PTPRD: variants seen among roughly 807,000 people sequenced by gnomAD.
The protein encoded by PTPRD is receptor-type tyrosine-protein phosphatase delta.
PTPRD carries 34 observed loss-of-function variants against 214.5 expected under a neutral mutation model. The ratio of observed to expected loss-of-function variants is 0.16; its 90% CI spans 0.12 to 0.21. The LOEUF (loss-of-function observed/expected upper bound fraction) is 0.21. Among genes scored for constraint, PTPRD ranks in the 10% least tolerant of loss-of-function variants. PTPRD has a pLI of 1.00. For synonymous variants in PTPRD, 1,128 were observed against 845.7 expected (o/e 1.33, Z -5.79); for missense variants, 2,545 against 2,398.7 (o/e 1.06, Z -1.27).
chr9:10,393,794 G>A (rs1049806289), intron 2 of PTPRD, among the ~76,000 whole-genome samples: 1 of 148,108 alleles, frequency 6.8e-6, no homozygotes, highest in Non-Finnish European at 1.5e-5. Context: ...TGACTAATAT[G>A]TAACCTTCTT....
chr9:9,652,092 T>A (rs1243077285), intron 7 of PTPRD, among the ~76,000 whole-genome samples: 4 of 152,038 alleles, frequency 2.6e-5, no homozygotes, highest in Non-Finnish European at 4.4e-5. Flanking sequence ...CCGCCTGCCT[T>A]GGCCTCCCAA....
At chr9:9,336,213 T>G (rs915107459) in intron 9 of PTPRD, among the ~76,000 whole-genome samples, 2 of 152,112 alleles carry the variant, frequency 1.3e-5, no homozygotes, top group Non-Finnish European at 2.9e-5. Flanking sequence ...CTCATGTATC[T>G]TCCTCCAGAG....
intron 3 of PTPRD, among the ~76,000 whole-genome samples, chr9:10,190,061 A>C (rs1378761392): frequency 6.6e-6 from 1 of 152,120 alleles, no homozygotes; most frequent in African/African-American, 2.4e-5. Context: ...AGAAGCTGCC[A>C]ACAGATTAGA....
intron 10 of PTPRD, among the ~76,000 whole-genome samples, chr9:9,134,806 C>T (rs1034413903): frequency 2.7e-5 from 4 of 150,572 alleles, no homozygotes; most frequent in Non-Finnish European, 4.4e-5. Context: ...ATTTGGAGTG[C>T]GTGTGTGTGT....
At chr9:9,403,301 A>AAAAAG (rs2071681460) in intron 8 of PTPRD, among the ~76,000 whole-genome samples, 1 of 150,024 alleles carries the variant, frequency 6.7e-6, no homozygotes, top group Non-Finnish European at 1.5e-5. Context: ...AAAAAAAAAA[A>AAAAAG]AAAAAAAAAA....
intron 3 of PTPRD, among the ~76,000 whole-genome samples, chr9:10,054,722 T>C (rs1489986211): frequency 1.3e-5 from 2 of 152,158 alleles, no homozygotes; most frequent in Non-Finnish European, 2.9e-5. Flanking sequence ...GACCAGGCTT[T>C]CACTAATGTC....
At chr9:9,151,285 TAGCAAATCAAA>T (rs1264567175) in intron 10 of PTPRD, among the ~76,000 whole-genome samples, 1 of 152,188 alleles carries the variant, frequency 6.6e-6, no homozygotes, top group Non-Finnish European at 1.5e-5. Context: ...ATGCCAGACT[TAGCAAATCAAA>T]AGCAATGATA....
chr9:8,514,168 T>C (rs2097738154), intron 21 of PTPRD, among the ~76,000 whole-genome samples: 1 of 152,094 alleles, frequency 6.6e-6, no homozygotes, highest in African/African-American at 2.4e-5. Context: ...ACTGGTCATA[T>C]AAAAAAATAA....
intron 8 of PTPRD, among the ~76,000 whole-genome samples, chr9:9,562,945 C>G (rs1475826258): frequency 6.6e-6 from 1 of 152,130 alleles, no homozygotes; most frequent in South Asian, 2.1e-4. Flanking sequence ...TACGGTGTAA[C>G]TCAAGCAGAA....
chr9:10,153,569 T>C (rs910018483), intron 3 of PTPRD, among the ~76,000 whole-genome samples: 11 of 151,964 alleles, frequency 7.2e-5, no homozygotes, highest in African/African-American at 2.2e-4. Flanking sequence ...AAGTTCAGGA[T>C]ACATGTGCAG....
chr9:9,961,578 T>C (rs552212531), intron 4 of PTPRD, among the ~76,000 whole-genome samples: 2 of 152,260 alleles, frequency 1.3e-5, no homozygotes. Context: ...GGTTAAATAC[T>C]GAATAAAGTA....
At chr9:9,590,455 T>G (rs2092608686) in intron 7 of PTPRD, among the ~76,000 whole-genome samples, 2 of 152,062 alleles carry the variant, frequency 1.3e-5, no homozygotes, top group African/African-American at 4.8e-5. Context: ...TTTAAGTGTT[T>G]TTGTATGAAC....
intron 10 of PTPRD, among the ~76,000 whole-genome samples, chr9:9,170,672 T>C (rs1447877041): frequency 6.6e-6 from 1 of 152,150 alleles, no homozygotes; most frequent in Admixed American, 6.6e-5. Context: ...AAGTGGATGC[T>C]CAGAAAACAG....
At chr9:8,462,770 AAC>A (rs1297664105) in intron 32 of PTPRD, among the ~76,000 whole-genome samples, 19 of 151,994 alleles carry the variant, frequency 1.3e-4, no homozygotes, top group African/African-American at 4.6e-4. Flanking sequence ...AGATAAAAAT[AAC>A]ACAGCTAAAT....
intron 14 of PTPRD, among the ~76,000 whole-genome samples, chr9:8,602,207 C>G (rs2094908827): frequency 6.6e-6 from 1 of 152,168 alleles, no homozygotes; most frequent in Non-Finnish European, 1.5e-5. Flanking sequence ...TTCACCTGAG[C>G]CAATAGTTCT....
intron 2 of PTPRD, among the ~76,000 whole-genome samples, chr9:10,558,249 G>C (rs975031417): frequency 3.3e-5 from 5 of 152,110 alleles, no homozygotes; most frequent in African/African-American, 1.2e-4. Flanking sequence ...ATATATTGAA[G>C]TATCACCATT....
At chr9:8,630,485 T>C (rs962550426) in intron 14 of PTPRD, among the ~76,000 whole-genome samples, 1 of 151,908 alleles carries the variant, frequency 6.6e-6, no homozygotes, top group Non-Finnish European at 1.5e-5. Flanking sequence ...TCCATCCATA[T>C]TTATTTTATC....
chr9:10,277,176 T>TA (rs2094748627), intron 3 of PTPRD, among the ~76,000 whole-genome samples: 1 of 151,518 alleles, frequency 6.6e-6, no homozygotes, highest in African/African-American at 2.4e-5. Flanking sequence ...TTTGGTTTAG[T>TA]AAAAAAACAA....
At chr9:9,833,169 A>C (rs1034899994) in intron 5 of PTPRD, among the ~76,000 whole-genome samples, 1 of 152,052 alleles carries the variant, frequency 6.6e-6, no homozygotes, top group Non-Finnish European at 1.5e-5. Flanking sequence ...TAAGGGTTCT[A>C]TCAGGGGACC....
Sources: allele counts gnomAD v4.1 joint callset (sites outside exome capture counted in the v4.1 genomes callset), GRCh38; gene constraint gnomAD v4.1.1; transcripts MANE v1.5; gene names NCBI Gene and HGNC (gene_info 2026-07-23, HGNC 2026-07-21).